Variants in PTGR1 observed in about 807,000 individuals in gnomAD.
PTGR1 encodes the protein prostaglandin reductase 1.
In PTGR1, 23 loss-of-function variants were observed where a neutral mutation model predicts 37.7. The observed-to-expected ratio is 0.61, with a 90% confidence interval of 0.44 to 0.86. The LOEUF (loss-of-function observed/expected upper bound fraction) is 0.86. Ranked by LOEUF, PTGR1 falls within the 40% of genes least tolerant of loss-of-function variation. The pLI is 0.00. For missense variants in PTGR1, 351 were observed against 394.3 expected (o/e 0.89, Z 0.93); for synonymous variants, 134 against 140.0 (o/e 0.96, Z 0.30).
chr9:111,597,413 T>C lies in PTGR1; in HGVS notation c.10A>G (p.Thr4Ala), dbSNP rs1219711918. ...TGCTTCTTCAGGGTCCATGTCTTAGTACGAACCATCCTGAAGCTCCTAGAA... is the reference window on the plus strand; with the variant it reads ...TGCTTCTTCAGGGTCCATGTCTTAGCACGAACCATCCTGAAGCTCCTAGAA... MVR[T>A]KTWTLKKHFV... The change falls in exon 2 of 10, where the codon ACT (threonine) becomes GCT (alanine). Residue 4 changes from threonine to alanine, a missense_variant. Physicochemically the swap from Thr to Ala is moderately conservative, Grantham distance 58. Coordinates refer to ENST00000407693, the MANE Select transcript of PTGR1 (RefSeq NM_001146108.2). 2 of 1,610,808 alleles carry C rather than the reference T, an allele frequency of 1.2e-6. No homozygotes were observed. The highest frequency in any genetic ancestry group is 1.7e-5 in the Admixed American group (1 of 59,806).
intron 9 of PTGR1, among the ~76,000 whole-genome samples, chr9:111,555,822 T>G (rs1213378909): frequency 6.6e-6 from 1 of 152,176 alleles, no homozygotes; most frequent in African/African-American, 2.4e-5. Context: ...TTCAACAGAT[T>G]TGGGTGGGGA....
intron 1 of PTGR1, 136 bp downstream of exon 1, chr9:111,599,467 C>A (rs569550991): frequency 6.6e-6 from 1 of 152,286 alleles, no homozygotes; most frequent in Non-Finnish European, 1.5e-5. Context: ...CAAGACCCAG[C>A]GGTCATTTCG....
chr9:111,560,974 TAG>T (rs1172194603), downstream of PTGR1, among the ~76,000 whole-genome samples: 47 of 9,332 alleles, frequency 5.0e-3, 7 homozygotes, highest in Non-Finnish European at 7.4e-3. Flanking sequence ...TATATATATA[TAG>T]AGAGAGAGAG....
At chr9:111,561,341 T>A (rs757497118), downstream of PTGR1, among the ~76,000 whole-genome samples, 1 of 151,968 alleles carries the variant, frequency 6.6e-6, no homozygotes, top group Non-Finnish European at 1.5e-5. Flanking sequence ...AGTGGTACAG[T>A]CACAGGTCAC....
chr9:111,560,684 G>A (rs539830978), downstream of PTGR1, among the ~76,000 whole-genome samples: 3 of 141,700 alleles, frequency 2.1e-5, no homozygotes, highest in South Asian at 2.3e-4. Flanking sequence ...TGGTTCACGC[G>A]TGTAATCCCA....
In PTGR1 at chr9:111,552,590, A is replaced by G. The variant is rs373496088; in HGVS notation, c.880-2791T>C. Among the ~76,000 whole-genome samples, 42 of 152,312 alleles carry G rather than the reference A, an allele frequency of 2.8e-4. No homozygotes were observed. In the South Asian group the frequency reaches 8.5e-3, roughly 31 times the overall value. On this transcript the variant is annotated intron_variant, in intron 9 of 9. Coordinates refer to the PTGR1 transcript ENST00000538962. ...TTTGACAGATGGAAGATTGTCAAAA[A>G]TATCTGCCATGAGTTTGAGCCTTTA...
intron 4 of PTGR1, chr9:111,592,693 T>C (rs1829655626): frequency 3.6e-5 from 17 of 470,150 alleles, no homozygotes. Flanking sequence ...TTTTTTTTAG[T>C]AATTAAAAGT....
At chr9:111,588,341 T>G (rs1589317676) in intron 4 of PTGR1, among the ~76,000 whole-genome samples, 1 of 148,132 alleles carries the variant, frequency 6.8e-6, no homozygotes, top group African/African-American at 2.5e-5. Flanking sequence ...GGACTACAGG[T>G]GCCCACCACA....
intron 3 of PTGR1, among the ~76,000 whole-genome samples, chr9:111,593,414 T>A (rs560978531): frequency 2.0e-5 from 3 of 152,142 alleles, no homozygotes; most frequent in Non-Finnish European, 2.9e-5. Flanking sequence ...CAATCAGCTA[T>A]GAAAAAAATG....
At position 111,574,783 on chromosome 9, in the gene PTGR1, G is replaced by A; in HGVS notation, c.711C>T (p.Ala237=). 1 of 1,613,892 alleles carries A rather than the reference G, an allele frequency of 6.2e-7. No homozygotes were observed. Among genetic ancestry groups the A allele is most frequent in the Non-Finnish European group, 8.5e-7 (1 of 1,179,912 alleles). The change falls in exon 8 of 10, where the codon GCC becomes GCT. Residue 237 remains alanine (A), a synonymous_variant. Coordinates refer to ENST00000407693, the MANE Select transcript of PTGR1 (RefSeq NM_001146108.2). ...TATATGTAGAGATGGCTCCACATAT[G>A]GCAATCCTTCCAAATTTCTTCATCT... ...IGQMKKFGRI[A]ICGAISTYNR...
chr9:111,551,625 C>CAG (rs1827958887), intron 9 of PTGR1, among the ~76,000 whole-genome samples: 1 of 152,032 alleles, frequency 6.6e-6, no homozygotes, highest in Non-Finnish European at 1.5e-5. Flanking sequence ...TGTTCTCCAA[C>CAG]TCCTAAGCCC....
intron 9 of PTGR1, among the ~76,000 whole-genome samples, chr9:111,567,874 G>A (rs890159285): frequency 3.9e-5 from 6 of 152,122 alleles, no homozygotes; most frequent in Non-Finnish European, 5.9e-5. Flanking sequence ...AAATTGTGAA[G>A]ATTTCATTTT....
intron 8 of PTGR1, among the ~76,000 whole-genome samples, chr9:111,572,253 T>A (rs927419982): frequency 6.6e-6 from 1 of 152,144 alleles, no homozygotes; most frequent in African/African-American, 2.4e-5. Context: ...AAGACCCACA[T>A]CAACTATTCT....
chr9:111,583,094 A>G (rs1829328033), intron 6 of PTGR1, among the ~76,000 whole-genome samples: 1 of 152,230 alleles, frequency 6.6e-6, no homozygotes, highest in African/African-American at 2.4e-5. Flanking sequence ...CAGCCTTGGC[A>G]GTGGGGCCAC....
chr9:111,559,231 T>G (rs1564606876), downstream of PTGR1, among the ~76,000 whole-genome samples: 2 of 152,110 alleles, frequency 1.3e-5, no homozygotes, highest in South Asian at 2.1e-4. Context: ...GATCACATAC[T>G]TCACACCAGG....
chr9:111,595,561 G>A (rs1257311604), intron 2 of PTGR1, among the ~76,000 whole-genome samples: 1 of 152,132 alleles, frequency 6.6e-6, no homozygotes, highest in East Asian at 1.9e-4. Flanking sequence ...TGATCACTTT[G>A]TCATGCTACT....
downstream of PTGR1, among the ~76,000 whole-genome samples, chr9:111,561,127 A>G (rs1828293651): frequency 1.6e-5 from 1 of 61,626 alleles, no homozygotes. Flanking sequence ...AGAGAGAGAG[A>G]GAGAGAGAGA....
At chr9:111,573,923 G>C (rs768140390) in intron 8 of PTGR1, among the ~76,000 whole-genome samples, 1 of 152,274 alleles carries the variant, frequency 6.6e-6, no homozygotes, top group South Asian at 2.1e-4. Flanking sequence ...AATAAAACAA[G>C]GACAATCAAG....
intron 9 of PTGR1, among the ~76,000 whole-genome samples, chr9:111,555,837 G>C (rs1459021954): frequency 1.3e-5 from 2 of 152,156 alleles, no homozygotes. Context: ...TGGGGACACA[G>C]AGCCAAACTA....
Sources: gnomAD v4.1 joint callset for allele counts (sites outside exome capture counted in the v4.1 genomes callset) on GRCh38, gnomAD v4.1.1 for gene constraint, MANE v1.5 for transcripts, NCBI Gene and HGNC (gene_info 2026-07-23, HGNC 2026-07-21) for gene names.